The following GRID2 variants were observed in gnomAD, a reference collection of about 807,000 sequenced individuals.
GRID2 encodes the protein glutamate ionotropic receptor delta type subunit 2, also known as glutamate receptor ionotropic, delta-2.
A neutral mutation model predicts 114.8 loss-of-function variants in GRID2; 33 were observed. The observed-to-expected ratio is 0.29, with a 90% CI of 0.22 to 0.38. GRID2 has a LOEUF of 0.38. GRID2 is among the 10% of genes least tolerant of loss of function. The pLI is 1.00. For synonymous variants in GRID2, 505 were observed against 449.9 expected, an observed-to-expected ratio of 1.12 and a Z score of -1.55; for missense variants, 1,184 against 1,257.7, an observed-to-expected ratio of 0.94 and a Z score of 0.89.
intron 2 of GRID2, chr4:92,702,555 A>G (rs751558721): frequency 6.6e-6 from 1 of 152,030 alleles, no homozygotes; most frequent in Admixed American, 6.6e-5. Flanking sequence ...TACCCTTTAC[A>G]CTATTGCTCC....
intron 2 of GRID2, among the ~76,000 whole-genome samples, chr4:92,775,975 A>G (rs1738772873): frequency 6.6e-6 from 1 of 152,176 alleles, no homozygotes; most frequent in Admixed American, 6.6e-5. Context: ...GTAGATTGTC[A>G]TACGGAAGAT....
At chr4:93,231,417 G>C (rs1485939404) in intron 7 of GRID2, among the ~76,000 whole-genome samples, 1 of 149,010 alleles carries the variant, frequency 6.7e-6, no homozygotes, top group Admixed American at 6.7e-5. Flanking sequence ...GAAATTTAGA[G>C]GCCAGTAGTG....
At chr4:93,010,500 G>C (rs1243116343) in intron 2 of GRID2, among the ~76,000 whole-genome samples, 1 of 152,050 alleles carries the variant, frequency 6.6e-6, no homozygotes, top group Non-Finnish European at 1.5e-5. Context: ...GAGCCTCCAT[G>C]TTCTCTCCAG....
At chr4:92,327,539 G>A (rs1726661632) in intron 1 of GRID2, among the ~76,000 whole-genome samples, 1 of 151,834 alleles carries the variant, frequency 6.6e-6, no homozygotes, top group East Asian at 1.9e-4. Context: ...AGTTAGCCAT[G>A]ATTCCTTGGC....
At chr4:93,605,990 G>A (rs763332950) in intron 13 of GRID2, among the ~76,000 whole-genome samples, 2 of 152,160 alleles carry the variant, frequency 1.3e-5, no homozygotes, top group African/African-American at 2.4e-5. Flanking sequence ...ACTGAGGCTG[G>A]CCATGGTGGC....
chr4:92,871,580 G>C (rs538957997), intron 2 of GRID2, among the ~76,000 whole-genome samples: 1 of 152,266 alleles, frequency 6.6e-6, no homozygotes, highest in Non-Finnish European at 1.5e-5. Flanking sequence ...CATCAGGGCA[G>C]AGTACTGACA....
intron 1 of GRID2, among the ~76,000 whole-genome samples, chr4:92,444,356 C>G (rs34639512): frequency 0.13 from 20,205 of 150,980 alleles, 1,525 homozygotes; most frequent in African/African-American, 0.2. Flanking sequence ...GGTAGGTAAA[C>G]GAAAATTACA....
intron 1 of GRID2, among the ~76,000 whole-genome samples, chr4:92,348,360 A>G (rs1314497282): frequency 6.6e-6 from 1 of 152,200 alleles, no homozygotes; most frequent in Non-Finnish European, 1.5e-5. Context: ...TTTTCAGTGA[A>G]AGAGATTTTC....
chr4:92,748,284 A>G (rs1293671400), intron 2 of GRID2, among the ~76,000 whole-genome samples: 2 of 152,208 alleles, frequency 1.3e-5, no homozygotes, highest in African/African-American at 4.8e-5. Flanking sequence ...TAACACAAAT[A>G]AATGAAAAAA....
At chr4:93,544,726 G>A (rs929478978) in intron 13 of GRID2, among the ~76,000 whole-genome samples, 2 of 148,744 alleles carry the variant, frequency 1.3e-5, no homozygotes, top group African/African-American at 5.0e-5. Context: ...GCAGTGAGTC[G>A]AGATCACACC....
chr4:92,749,345 C>T (rs368833132), intron 2 of GRID2, among the ~76,000 whole-genome samples: 29 of 103,646 alleles, frequency 2.8e-4, no homozygotes, highest in East Asian at 9.5e-4. Flanking sequence ...GACGGAGTCT[C>T]GCTCTGTCGC....
At chr4:92,648,213 G>A (rs974049317) in intron 2 of GRID2, among the ~76,000 whole-genome samples, 4 of 149,778 alleles carry the variant, frequency 2.7e-5, no homozygotes, top group Non-Finnish European at 5.9e-5. Context: ...ATCTTAAAGA[G>A]CTAGAAATAT....
intron 7 of GRID2, among the ~76,000 whole-genome samples, chr4:93,233,367 G>A (rs1746378507): frequency 6.7e-6 from 1 of 150,248 alleles, no homozygotes; most frequent in African/African-American, 2.5e-5. Context: ...TTTTGAGATG[G>A]AGTCTCGCTG....
chr4:93,216,676 A>G, intron 5 of GRID2, 62 bp from the exon 6 acceptor site: 1 of 1,072,440 alleles, frequency 9.3e-7, no homozygotes, highest in Non-Finnish European at 1.4e-6. Flanking sequence ...ACAACTCATA[A>G]TAGGTTTGTG....
intron 1 of GRID2, among the ~76,000 whole-genome samples, chr4:92,384,058 T>C (rs1475385669): frequency 1.3e-5 from 2 of 151,774 alleles, no homozygotes; most frequent in East Asian, 3.9e-4. Flanking sequence ...TATTCTAGTT[T>C]GGCTGACAAT....
Position 93,349,362 on chromosome 4 carries a change from C to CT in GRID2, c.1246-46237dup, listed in dbSNP as rs549089976. Reference sequence around the variant, plus strand: ...TCTCAAGAGGTAACACAACTGCATACTTTTTTTTCTTTTACCATCCATGCT... The same window carrying CT: ...TCTCAAGAGGTAACACAACTGCATACTTTTTTTTTCTTTTACCATCCATGCT... On this transcript the variant is annotated intron_variant, in intron 8 of 15. Coordinates refer to ENST00000282020, the MANE Select transcript of GRID2 (RefSeq NM_001510.4). Among the ~76,000 whole-genome samples, 689 of 152,022 alleles carry CT rather than the reference C, an allele frequency of 4.5e-3. 1 individual carries two copies. Among genetic ancestry groups the CT allele is most frequent in the Non-Finnish European group, 7.7e-3 (522 of 67,948 alleles).
chr4:92,558,143 G>C (rs930223146), intron 1 of GRID2, among the ~76,000 whole-genome samples: 4 of 152,028 alleles, frequency 2.6e-5, no homozygotes. Flanking sequence ...TATCACAGAG[G>C]TTATCTTATA....
intron 1 of GRID2, among the ~76,000 whole-genome samples, chr4:92,324,682 C>CA (rs1044941254): frequency 2.6e-5 from 4 of 151,526 alleles, no homozygotes; most frequent in African/African-American, 9.7e-5. Context: ...ACTAAATTAA[C>CA]AAAAAGATGT....
chr4:92,545,773 A>T lies in GRID2; in HGVS notation c.89-44358A>T, dbSNP rs543973781. Among the ~76,000 whole-genome samples, 13 of 152,224 alleles carry T rather than the reference A, an allele frequency of 8.5e-5. No homozygotes were observed. The South Asian group carries it at 2.7e-3, about 32-fold the overall frequency. ...TTCACTTGGCTGCGACACTCATTTC[A>T]TCTATTTATGCAATTGCACGTTCAT... is the stretch of plus-strand genomic sequence containing the variant. On this transcript the variant is annotated intron_variant, in intron 1 of 15. Transcript: ENST00000282020.
Sources: gnomAD v4.1 joint callset for allele counts (sites outside exome capture counted in the v4.1 genomes callset) on GRCh38, gnomAD v4.1.1 for gene constraint, MANE v1.5 for transcripts, NCBI Gene and HGNC (gene_info 2026-07-23, HGNC 2026-07-21) for gene names.